The following SRP14 variants were observed in gnomAD, a reference collection of about 807,000 sequenced individuals.
SRP14 encodes signal recognition particle 14 kDa protein.
SRP14 carries 1 observed loss-of-function variant against 16.0 expected under a neutral mutation model. The ratio of observed to expected loss-of-function variants is 0.06; its 90% confidence interval spans 0.02 to 0.30. The LOEUF is 0.30. Ranked by LOEUF, SRP14 falls within the 10% of genes least tolerant of loss-of-function variation. The pLI is 1.00. For synonymous variants in SRP14, 67 were observed against 60.1 expected, an observed-to-expected ratio of 1.12 and a Z score of -0.53; for missense variants, 120 against 163.1, an observed-to-expected ratio of 0.74 and a Z score of 1.44.
chr15:40,038,449 GACAA>G (rs2035665732), intron 2 of SRP14, 55 bp from the exon 3 acceptor site: 1 of 1,256,706 alleles, frequency 8.0e-7, no homozygotes, highest in East Asian at 2.3e-5. Context: ...CTGAGCGGCA[GACAA>G]ACAGTTAAAA....
chr15:40,037,279 G>GAAACAAAAAAAAAAAAA, intron 3 of SRP14: 1 of 740,792 alleles, frequency 1.3e-6, no homozygotes, highest in Non-Finnish European at 1.7e-6. Context: ...TCCTTTTGGG[G>GAAACAAAAAAAAAAAAA]AAAAAAAAAA....
chr15:40,038,510 G>A, intron 2 of SRP14, 116 bp from the exon 3 acceptor site: 1 of 720,716 alleles, frequency 1.4e-6, no homozygotes, highest in Non-Finnish European at 2.4e-6. Flanking sequence ...CGCTGCTCTA[G>A]TTTTGTTAAA....
intron 1 of SRP14, 44 bp downstream of exon 1, chr15:40,039,049 G>A (rs779837481): frequency 6.2e-7 from 1 of 1,606,890 alleles, no homozygotes; most frequent in African/African-American, 1.3e-5. Flanking sequence ...CTCGAGTAAC[G>A]CCTGAGCCGC....
chr15:40,038,445 G>A (rs747216438), intron 2 of SRP14, 51 bp from the exon 3 acceptor site: 2 of 1,288,828 alleles, frequency 1.6e-6, no homozygotes, highest in Non-Finnish European at 1.1e-6. Flanking sequence ...GTGGCTGAGC[G>A]GCAGACAAAC....
rs1179921058 is a variant in SRP14, at chr15:40,039,086, G to T, written c.24+7C>A. 6.2e-7 allele frequency: 1 copy of T among 1,612,330 alleles called. No homozygotes were observed. Among genetic ancestry groups the T allele is most frequent in the South Asian group, 1.1e-5 (1 of 90,726 alleles). On this transcript the variant is annotated splice_region_variant and intron_variant, in intron 1 of 4. Coordinates refer to ENST00000267884, the MANE Select transcript of SRP14 (RefSeq NM_003134.6). ...CCCTTCCCTCGGCCGGCCAGGCCTAGCCATACCTGCTCGCTCTCCAACAAC... is the reference window on the plus strand; with the variant it reads ...CCCTTCCCTCGGCCGGCCAGGCCTATCCATACCTGCTCGCTCTCCAACAAC...
At chr15:40,036,887 C>G (rs776562012) in intron 4 of SRP14, 99 bp downstream of exon 4, 1 of 1,364,558 alleles carries the variant, frequency 7.3e-7, no homozygotes, top group Admixed American at 1.7e-5. Flanking sequence ...AAACTTATCT[C>G]CGGAGAGCAG....
rs2035677090 is a variant in SRP14 at position 40,039,010 on chromosome 15, G to A, written c.25-62C>T. On this transcript the variant is annotated intron_variant, in intron 1 of 4. Transcript: ENST00000267884. ...CAAATCCTCGTCCTGCCGCGTCAAGGCCCTGGTCCTCCTGCAGGAGGCACA... is the reference window on the plus strand; with the variant it reads ...CAAATCCTCGTCCTGCCGCGTCAAGACCCTGGTCCTCCTGCAGGAGGCACA... 5.6e-6 allele frequency: 9 copies of A among 1,605,222 alleles called. No homozygotes were observed. In the African/African-American group the frequency reaches 9.4e-5, roughly 17 times the overall value.
rs763024382 is a variant in SRP14 at position 40,036,969 on chromosome 15, G to T, written c.243+17C>A. ...CTTGCCCTGAGAAGGGAAACATAAGGAACACCCAAAACTCACCATCTGAAA... is the reference window on the plus strand; with the variant it reads ...CTTGCCCTGAGAAGGGAAACATAAGTAACACCCAAAACTCACCATCTGAAA... On this transcript the variant is annotated intron_variant, in intron 4 of 4. Coordinates refer to ENST00000267884, the MANE Select transcript of SRP14 (RefSeq NM_003134.6). 2.5e-6 allele frequency: 4 copies of T among 1,613,772 alleles called. No individual in the cohort carries two copies. Among genetic ancestry groups the T allele is most frequent in the South Asian group, 2.2e-5 (2 of 91,062 alleles).
chr15:40,036,701 C>T (rs867952881), intron 4 of SRP14: 4 of 681,106 alleles, frequency 5.9e-6, no homozygotes, highest in African/African-American at 1.8e-5. Flanking sequence ...GACAGTTGCA[C>T]ACATTTTTTA....
chr15:40,036,110 T>C lies in SRP14; in HGVS notation c.*223A>G, dbSNP rs1010900879. 1.0e-5 allele frequency: 7 copies of C among 672,598 alleles called. No individual in the cohort carries two copies. Among genetic ancestry groups the C allele is most frequent in the African/African-American group, 9.0e-5 (5 of 55,278 alleles). The allele number at this position is 672,598 out of a possible 1,614,324, so 41.7% of individuals were successfully genotyped here. The stretch of plus-strand genomic sequence containing the variant: ...GTCTACAGAGACTTTTAATCTATAA[T>C]CCAGGAGTATATAACCATGCAGCAC... On this transcript the variant is annotated 3_prime_UTR_variant, in exon 5 of 5. Coordinates refer to ENST00000267884, the MANE Select transcript of SRP14 (RefSeq NM_003134.6).
chr15:40,036,378 T>A lies in SRP14; in HGVS notation c.366A>T (p.Thr122=). 1 of 1,612,056 alleles carries A rather than the reference T, an allele frequency of 6.2e-7. No homozygotes were observed. The highest frequency in any genetic ancestry group is 8.5e-7 in the Non-Finnish European group (1 of 1,179,038). ...CTGTTGTTGCTGCTGTTGTTGGTGC[T>A]GTTGCTGCTGCGGCAGGTGCTGCTG... ...AAAAAPAAAA[T]APTTAATTAA... Residue 122 remains threonine, a synonymous_variant, in exon 5 of 5, where the codon ACA becomes ACT. Transcript: ENST00000267884.
intron 3 of SRP14, chr15:40,037,287 A>AAAAAAAAAAAAAAAAG: frequency 7.4e-7 from 1 of 1,355,014 alleles, no homozygotes. Flanking sequence ...GGGAAAAAAA[A>AAAAAAAAAAAAAAAAG]AAAAAAAGCT....
intron 2 of SRP14, chr15:40,038,652 G>A: frequency 1.6e-6 from 1 of 614,696 alleles, no homozygotes; most frequent in South Asian, 2.0e-5. Context: ...AAAGAGCCCT[G>A]GGCTGCTTGG....
intron 2 of SRP14, 107 bp from the exon 3 acceptor site, chr15:40,038,501 G>A: frequency 1.3e-6 from 1 of 743,956 alleles, no homozygotes; most frequent in Non-Finnish European, 2.4e-6. Context: ...ACCCAGCCCC[G>A]CTGCTCTAGT....
At chr15:40,037,255 GA>G in intron 3 of SRP14, 1 of 1,155,220 alleles carries the variant, frequency 8.7e-7, no homozygotes, top group Non-Finnish European at 1.1e-6. Flanking sequence ...ACCAAGAGGT[GA>G]AAGGCAGTAG....
Position 40,036,967 on chromosome 15 carries a change from A to G in SRP14, c.243+19T>C, listed in dbSNP as rs1177120389. The G allele has an allele frequency of 6.2e-7, 1 of 1,613,962 alleles. No homozygotes were observed. On this transcript the variant is annotated intron_variant, in intron 4 of 4. Coordinates refer to ENST00000267884, the MANE Select transcript of SRP14 (RefSeq NM_003134.6). ...CTCTTGCCCTGAGAAGGGAAACATA[A>G]GGAACACCCAAAACTCACCATCTGA... is the stretch of plus-strand genomic sequence containing the variant.
At position 40,038,288 on chromosome 15, in the gene SRP14, G is replaced by A. The variant is rs757687780; in HGVS notation, c.204C>T (p.Ser68=). ...LRATDGKKKI[S]TVVSSKEVNK... ...CCTTAGAAATTAAGCTCACCACAGT[G>A]CTGATCTTCTTCTTCCCATCGGTAG... is the stretch of plus-strand genomic sequence containing the variant. Residue 68 remains serine (S), a synonymous_variant, in exon 3 of 5, where the codon AGC becomes AGT. Transcript: ENST00000267884. 4 of 1,611,102 alleles carry A rather than the reference G, an allele frequency of 2.5e-6. No homozygotes were observed. The highest frequency in any genetic ancestry group is 2.2e-5 in the East Asian group (1 of 44,890).
intron 1 of SRP14, 45 bp downstream of exon 1, chr15:40,039,048 C>T (rs1162517293): frequency 1.2e-6 from 2 of 1,606,898 alleles, no homozygotes; most frequent in Non-Finnish European, 1.7e-6. Flanking sequence ...TCTCGAGTAA[C>T]GCCTGAGCCG....
rs777416509 is a variant in SRP14, at chr15:40,036,359, TTGCTGCTGTTGTTGGTGCTGTTGC to T, written c.361_384del (p.Ala121_Ala128del). ...TACTGTGCTGCTGTTGCTGCTGTTG[TTGCTGCTGTTGTTGGTGCTGTTGC>T]TGCTGCGGCAGGTGCTGCTGCTGCT... On this transcript the variant is annotated inframe_deletion, in exon 5 of 5. Coordinates refer to ENST00000267884, the MANE Select transcript of SRP14 (RefSeq NM_003134.6). 2 of 1,611,970 alleles carry T rather than the reference TTGCTGCTGTTGTTGGTGCTGTTGC, an allele frequency of 1.2e-6. No homozygotes were observed. The highest frequency in any genetic ancestry group is 1.7e-6 in the Non-Finnish European group (2 of 1,179,742).
Sources: allele counts gnomAD v4.1 joint callset, GRCh38; gene constraint gnomAD v4.1.1; transcripts MANE v1.5; gene names NCBI Gene and HGNC (gene_info 2026-07-23, HGNC 2026-07-21).